Variants in LCP2 observed in about 807,000 individuals in gnomAD.
LCP2 encodes the protein lymphocyte cytosolic protein 2, also known as 76 kDa tyrosine phosphoprotein.
In LCP2, 29 loss-of-function variants were observed where a neutral mutation model predicts 74.5. The observed-to-expected ratio is 0.39, with a 90% CI of 0.29 to 0.53. The LOEUF is 0.53. Ranked by LOEUF, LCP2 falls within the 20% of genes least tolerant of loss-of-function variation. LCP2 has a pLI of 0.72. For synonymous variants in LCP2, 228 were observed against 229.5 expected (o/e 0.99, Z 0.06); for missense variants, 604 against 634.6 (o/e 0.95, Z 0.52).
At chr5:170,273,920 C>CGGGGAG (rs1554140684) in intron 6 of LCP2, 3 of 85,864 alleles carry the variant, frequency 3.5e-5, no homozygotes, top group African/African-American at 9.9e-5. Flanking sequence ...TTTTTGGAGA[C>CGGGGAG]GGGGGGGTAG....
At chr5:170,262,333 G>T (rs558720090) in intron 13 of LCP2, among the ~76,000 whole-genome samples, 2 of 152,186 alleles carry the variant, frequency 1.3e-5, no homozygotes, top group Non-Finnish European at 2.9e-5. Flanking sequence ...TGAAGGCTTT[G>T]CTATAACGAG....
intron 15 of LCP2, 37 bp downstream of exon 15, chr5:170,258,829 T>G: frequency 1.3e-6 from 2 of 1,510,604 alleles, no homozygotes; most frequent in Non-Finnish European, 1.8e-6. Flanking sequence ...AATGAAAGAA[T>G]GAGTTATAGG....
chr5:170,260,107 ACT>A (rs1435091376), intron 14 of LCP2, among the ~76,000 whole-genome samples: 1 of 151,982 alleles, frequency 6.6e-6, no homozygotes, highest in East Asian at 1.9e-4. Context: ...TTTAAGAATG[ACT>A]CTATTCTGTG....
intron 3 of LCP2, among the ~76,000 whole-genome samples, chr5:170,277,245 A>T (rs186974986): frequency 6.6e-6 from 1 of 152,218 alleles, no homozygotes; most frequent in East Asian, 1.9e-4. Flanking sequence ...TTTCTGCTGC[A>T]AGCTCTCTGG....
intron 6 of LCP2, among the ~76,000 whole-genome samples, chr5:170,272,321 T>C (rs1284164136): frequency 6.6e-6 from 1 of 152,228 alleles, no homozygotes; most frequent in African/African-American, 2.4e-5. Context: ...TTCTGCCATA[T>C]GTGTGTTAAA....
intron 1 of LCP2, among the ~76,000 whole-genome samples, chr5:170,294,083 C>T (rs1488191147): frequency 6.6e-6 from 1 of 152,162 alleles, no homozygotes; most frequent in Non-Finnish European, 1.5e-5. Flanking sequence ...GCACAGACAG[C>T]AAGTAACTTG....
intron 20 of LCP2, among the ~76,000 whole-genome samples, chr5:170,249,843 C>T (rs1488667242): frequency 6.6e-6 from 1 of 152,210 alleles, no homozygotes; most frequent in Non-Finnish European, 1.5e-5. Flanking sequence ...CTAGGTGCCT[C>T]CCTCCATGGG....
intron 2 of LCP2, among the ~76,000 whole-genome samples, chr5:170,289,752 CTT>C (rs1762256213): frequency 3.4e-5 from 3 of 87,320 alleles, no homozygotes; most frequent in African/African-American, 1.6e-4. Context: ...CTTTTCTTTT[CTT>C]TCTCTTTTTT....
chr5:170,257,221 G>C, intron 16 of LCP2, among the ~76,000 whole-genome samples: 1 of 152,178 alleles, frequency 6.6e-6, no homozygotes, highest in Non-Finnish European at 1.5e-5. Context: ...TGAAGGATGG[G>C]GTTGGGGCTA....
chr5:170,253,288 T>G, intron 17 of LCP2, 75 bp from the exon 18 acceptor site: 1 of 924,758 alleles, frequency 1.1e-6, no homozygotes, highest in Non-Finnish European at 1.7e-6. Flanking sequence ...CAAAACACAT[T>G]CCCCCCACTC....
In LCP2 at chr5:170,270,703, G is replaced by C. The variant is rs315745; in HGVS notation, c.523+16C>G. 1 of 1,541,598 alleles carries C rather than the reference G, an allele frequency of 6.5e-7. No homozygotes were observed. Among genetic ancestry groups the C allele is most frequent in the Non-Finnish European group, 8.7e-7 (1 of 1,148,566 alleles). On this transcript the variant is annotated intron_variant, in intron 7 of 20. Coordinates refer to ENST00000046794, the MANE Select transcript of LCP2 (RefSeq NM_005565.5). ...TTGGGCTGCTCGGGCCAGAAAATCC[G>C]GAAACGGGCCCTTACCGATGTACAT...
Position 170,262,761 on chromosome 5 carries a change from G to C in LCP2, c.819-19C>G. On this transcript the variant is annotated intron_variant, in intron 12 of 20. Transcript: ENST00000046794. Reference sequence around the variant, plus strand: ...GAGTGACCTGTGGAGTTCAGGAAAAGGATGTGTAAGAAACAAACTTTGCCG... The same window carrying C: ...GAGTGACCTGTGGAGTTCAGGAAAACGATGTGTAAGAAACAAACTTTGCCG... 6.2e-7 allele frequency: 1 copy of C among 1,613,354 alleles called. No homozygotes were observed.
chr5:170,249,420 A>G (rs1158707087), intron 20 of LCP2, among the ~76,000 whole-genome samples: 1 of 151,352 alleles, frequency 6.6e-6, no homozygotes, highest in East Asian at 1.9e-4. Flanking sequence ...TTTGAAATGC[A>G]TATATTTTTA....
intron 1 of LCP2, among the ~76,000 whole-genome samples, chr5:170,294,790 C>T (rs1325388064): frequency 6.6e-6 from 1 of 152,160 alleles, no homozygotes; most frequent in Non-Finnish European, 1.5e-5. Flanking sequence ...GAGTCAACTG[C>T]CTTTAATTCA....
intron 3 of LCP2, among the ~76,000 whole-genome samples, chr5:170,280,459 T>G (rs531594569): frequency 6.6e-6 from 1 of 152,248 alleles, no homozygotes; most frequent in South Asian, 2.1e-4. Flanking sequence ...GAGCCAAACC[T>G]TCTAAATTCT....
intron 3 of LCP2, among the ~76,000 whole-genome samples, chr5:170,280,420 G>A (rs779457883): frequency 6.6e-6 from 1 of 151,708 alleles, no homozygotes; most frequent in South Asian, 2.1e-4. Flanking sequence ...TGTTCTTTCC[G>A]TCTTTAAAGA....
chr5:170,296,699 C>T (rs953578379), intron 1 of LCP2, among the ~76,000 whole-genome samples: 18 of 152,202 alleles, frequency 1.2e-4, no homozygotes, highest in African/African-American at 3.1e-4. Context: ...CAAGCAGATG[C>T]GTTGTCCCCT....
At chr5:170,289,683 CT>C in intron 2 of LCP2, among the ~76,000 whole-genome samples, 1 of 133,918 alleles carries the variant, frequency 7.5e-6, no homozygotes, top group South Asian at 2.5e-4. Flanking sequence ...CTCTCTCTCT[CT>C]CTTTCTTTCT....
intron 6 of LCP2, among the ~76,000 whole-genome samples, chr5:170,272,882 G>T (rs1303663874): frequency 6.6e-6 from 1 of 151,706 alleles, no homozygotes; most frequent in Non-Finnish European, 1.5e-5. Flanking sequence ...AAAGTGTTGG[G>T]ATTACAAGTG....
Sources: allele counts gnomAD v4.1 joint callset (sites outside exome capture counted in the v4.1 genomes callset), GRCh38; gene constraint gnomAD v4.1.1; transcripts MANE v1.5; gene names NCBI Gene and HGNC (gene_info 2026-07-23, HGNC 2026-07-21).